SUMF1: variants seen among roughly 807,000 people sequenced by gnomAD.
SUMF1 encodes sulfatase modifying factor 1, also known as formylglycine-generating enzyme.
In SUMF1, 48 loss-of-function variants were observed where a neutral mutation model predicts 47.6. The ratio of observed to expected loss-of-function variants is 1.01; its 90% CI spans 0.80 to 1.28. The LOEUF (loss-of-function observed/expected upper bound fraction) is 1.28. Among genes scored for constraint, SUMF1 ranks in the 50% most tolerant of loss-of-function variants. SUMF1 has a pLI of 0.00. For synonymous variants in SUMF1, 230 were observed against 192.1 expected, an observed-to-expected ratio of 1.20 and a Z score of -1.63; for missense variants, 571 against 485.4, an observed-to-expected ratio of 1.18 and a Z score of -1.66.
At chr3:4,408,743 G>A (rs1701450628) in intron 7 of SUMF1, among the ~76,000 whole-genome samples, 1 of 152,136 alleles carries the variant, frequency 6.6e-6, no homozygotes, top group African/African-American at 2.4e-5. Context: ...GGACAAGGCG[G>A]GTAGATCACC....
intron 8 of SUMF1, among the ~76,000 whole-genome samples, chr3:4,282,302 GAAGA>G (rs1697545565): frequency 6.6e-6 from 1 of 152,164 alleles, no homozygotes; most frequent in African/African-American, 2.4e-5. Context: ...AGTTTTACCA[GAAGA>G]AATACCTGGT....
chr3:4,215,961 C>T (rs986775958), intron 8 of SUMF1, among the ~76,000 whole-genome samples: 32 of 152,174 alleles, frequency 2.1e-4, no homozygotes, highest in African/African-American at 7.0e-4. Flanking sequence ...AATGGTCATA[C>T]TGCCCAAAGT....
At chr3:4,397,543 C>T (rs1301999702) in intron 7 of SUMF1, among the ~76,000 whole-genome samples, 1 of 152,162 alleles carries the variant, frequency 6.6e-6, no homozygotes, top group Non-Finnish European at 1.5e-5. Context: ...TTAGCTTATA[C>T]CAAATGGCAT....
At chr3:4,295,762 T>A (rs1022946604) in intron 8 of SUMF1, among the ~76,000 whole-genome samples, 3 of 152,232 alleles carry the variant, frequency 2.0e-5, no homozygotes, top group African/African-American at 7.2e-5. Context: ...ACATTTGACT[T>A]CATAACATTT....
At chr3:4,143,674 T>A (rs1368563290) in intron 8 of SUMF1, among the ~76,000 whole-genome samples, 1 of 152,162 alleles carries the variant, frequency 6.6e-6, no homozygotes, top group Non-Finnish European at 1.5e-5. Flanking sequence ...GGGGAATTTA[T>A]TTATCTCTTT....
At chr3:4,227,347 G>C in intron 8 of SUMF1, among the ~76,000 whole-genome samples, 1 of 152,062 alleles carries the variant, frequency 6.6e-6, no homozygotes, top group South Asian at 2.1e-4. Flanking sequence ...CACAGTAGGT[G>C]TTAACCAAAT....
chr3:4,339,362 CAAGA>C (rs34883892), intron 8 of SUMF1, among the ~76,000 whole-genome samples: 46 of 152,274 alleles, frequency 3.0e-4, no homozygotes, highest in East Asian at 1.2e-3. Flanking sequence ...ACAGGAAGAT[CAAGA>C]GCTGCTGCTA....
chr3:4,184,212 T>G (rs1196270497), intron 8 of SUMF1, among the ~76,000 whole-genome samples: 1 of 151,666 alleles, frequency 6.6e-6, no homozygotes, highest in Non-Finnish European at 1.5e-5. Flanking sequence ...TCCCAACACT[T>G]TTGGAGGCTG....
At chr3:4,194,112 A>C (rs115254092) in intron 8 of SUMF1, among the ~76,000 whole-genome samples, 4,310 of 152,208 alleles carry the variant, frequency 0.028, 87 homozygotes, top group African/African-American at 0.05. Flanking sequence ...GTGATGTCCA[A>C]TCTGGAAGCC....
At chr3:4,159,552 C>T (rs1372848884) in intron 8 of SUMF1, among the ~76,000 whole-genome samples, 1 of 151,788 alleles carries the variant, frequency 6.6e-6, no homozygotes, top group African/African-American at 2.4e-5. Context: ...ATCTTTTCAT[C>T]TTTCTACTTA....
intron 8 of SUMF1, among the ~76,000 whole-genome samples, chr3:4,293,715 C>G (rs566685776): frequency 1.3e-5 from 2 of 152,268 alleles, no homozygotes; most frequent in Non-Finnish European, 2.9e-5. Flanking sequence ...GCAGTGAGAT[C>G]AAGGTTTCCT....
chr3:4,085,230 G>C (rs1005358361), intron 8 of SUMF1, among the ~76,000 whole-genome samples: 2 of 152,092 alleles, frequency 1.3e-5, no homozygotes, highest in Non-Finnish European at 2.9e-5. Flanking sequence ...TAAAATATAT[G>C]TGGCTGGGAA....
At chr3:4,094,556 G>A (rs1201310736) in intron 8 of SUMF1, among the ~76,000 whole-genome samples, 4 of 151,998 alleles carry the variant, frequency 2.6e-5, no homozygotes, top group Non-Finnish European at 5.9e-5. Flanking sequence ...AACACAGAGT[G>A]ACCATAAGTC....
At chr3:4,171,593 T>C (rs991505938) in intron 8 of SUMF1, among the ~76,000 whole-genome samples, 1 of 152,170 alleles carries the variant, frequency 6.6e-6, no homozygotes, top group Admixed American at 6.5e-5. Flanking sequence ...AGAATCTGAA[T>C]GTAGATGAGA....
chr3:4,128,544 G>C (rs1364272190), intron 8 of SUMF1, among the ~76,000 whole-genome samples: 1 of 152,110 alleles, frequency 6.6e-6, no homozygotes, highest in Non-Finnish European at 1.5e-5. Flanking sequence ...TGCCAGGCAA[G>C]ATAATGTACA....
At chr3:4,330,352 A>C (rs184665754) in intron 8 of SUMF1, among the ~76,000 whole-genome samples, 1 of 152,330 alleles carries the variant, frequency 6.6e-6, no homozygotes, top group African/African-American at 2.4e-5. Context: ...GAGACTGCAT[A>C]ATTTATACAG....
intron 6 of SUMF1, among the ~76,000 whole-genome samples, chr3:4,413,777 G>A (rs576439108): frequency 1.7e-4 from 26 of 152,086 alleles, no homozygotes; most frequent in African/African-American, 5.8e-4. Context: ...AGTAATCCCA[G>A]CACTTTGGGA....
intron 9 of SUMF1, among the ~76,000 whole-genome samples, chr3:4,041,631 C>A (rs317579): frequency 0.046 from 7,031 of 152,276 alleles, 564 homozygotes; most frequent in African/African-American, 0.16. Context: ...GGGAAGAAAA[C>A]TTGCCCCCAT....
chr3:4,046,727 T>C (rs1025181271), intron 9 of SUMF1, among the ~76,000 whole-genome samples: 4 of 152,108 alleles, frequency 2.6e-5, no homozygotes, highest in African/African-American at 9.7e-5. Context: ...TATCTCTCAA[T>C]TAGACTATTG....
Sources: allele counts gnomAD v4.1 joint callset (sites outside exome capture counted in the v4.1 genomes callset), GRCh38; gene constraint gnomAD v4.1.1; transcripts MANE v1.5; gene names NCBI Gene and HGNC (gene_info 2026-07-23, HGNC 2026-07-21).